Variants in GMPS observed in about 807,000 individuals in gnomAD.
The protein encoded by GMPS is guanosine monophosphate synthase, also known as GMP synthase [glutamine-hydrolyzing].
GMPS carries 15 observed loss-of-function variants against 77.9 expected under a neutral mutation model. The ratio of observed to expected loss-of-function variants is 0.19; its 90% CI spans 0.13 to 0.30. The LOEUF (loss-of-function observed/expected upper bound fraction) is 0.30, where lower values mean the gene tolerates loss of function less well. Among genes scored for constraint, GMPS ranks in the 10% least tolerant of loss-of-function variants. The pLI is 1.00. For missense variants in GMPS, 590 were observed against 838.8 expected, an observed-to-expected ratio of 0.70 and a Z score of 3.66; for synonymous variants, 224 against 275.9, an observed-to-expected ratio of 0.81 and a Z score of 1.86.
chr3:155,937,885 A>T lies in GMPS; in HGVS notation c.*193A>T, dbSNP rs1357581882. ...AGGGACTGAAGAGTTTGTACGGGTAAATAATCAAAGCACCATTGCCTACAC... is the reference window on the plus strand; with the variant it reads ...AGGGACTGAAGAGTTTGTACGGGTATATAATCAAAGCACCATTGCCTACAC... On this transcript the variant is annotated 3_prime_UTR_variant, in exon 16 of 16. Transcript: ENST00000496455. 5.8e-6 allele frequency: 3 copies of T among 516,904 alleles called. No homozygotes were observed. Among genetic ancestry groups the T allele is most frequent in the Non-Finnish European group, 6.8e-6 (2 of 293,778 alleles). The allele number at this position is 516,904 out of a possible 1,614,324, so 32.0% of individuals were successfully genotyped here.
intron 2 of GMPS, chr3:155,895,309 T>C (rs1388005499): frequency 6.6e-6 from 1 of 152,140 alleles, no homozygotes; most frequent in African/African-American, 2.4e-5. Context: ...TTTATTTTTT[T>C]TTTATTATTT....
At chr3:155,913,446 T>C (rs1577522148) in intron 7 of GMPS, among the ~76,000 whole-genome samples, 1 of 152,058 alleles carries the variant, frequency 6.6e-6, no homozygotes, top group East Asian at 1.9e-4. Context: ...TTGACTTCTT[T>C]GGGGCTAAGC....
intron 10 of GMPS, among the ~76,000 whole-genome samples, chr3:155,920,991 C>T (rs1755305318): frequency 6.6e-6 from 1 of 152,148 alleles, no homozygotes; most frequent in Non-Finnish European, 1.5e-5. Context: ...CCTGTAATTC[C>T]AGCACTTTGG....
At chr3:155,892,680 G>A (rs1754500450) in intron 1 of GMPS, among the ~76,000 whole-genome samples, 1 of 152,206 alleles carries the variant, frequency 6.6e-6, no homozygotes, top group Admixed American at 6.5e-5. Flanking sequence ...TGCCCAGGCT[G>A]GAGTGCAATG....
chr3:155,873,811 A>G (rs1020047284), intron 1 of GMPS, among the ~76,000 whole-genome samples: 17 of 149,622 alleles, frequency 1.1e-4, no homozygotes, highest in Non-Finnish European at 2.2e-4. Context: ...ATTTTTTTGT[A>G]TTTTTAGTAG....
intron 1 of GMPS, among the ~76,000 whole-genome samples, chr3:155,890,918 T>A (rs1160950891): frequency 6.6e-6 from 1 of 152,192 alleles, no homozygotes; most frequent in Non-Finnish European, 1.5e-5. Context: ...CCCGTTTGGA[T>A]TATCTGTATT....
chr3:155,877,271 A>G (rs1179238797), intron 1 of GMPS, among the ~76,000 whole-genome samples: 2 of 152,194 alleles, frequency 1.3e-5, no homozygotes, highest in African/African-American at 4.8e-5. Context: ...CATTATACTT[A>G]TTATTTGGCA....
intron 7 of GMPS, among the ~76,000 whole-genome samples, chr3:155,914,216 G>C (rs1174629591): frequency 1.3e-5 from 2 of 152,036 alleles, no homozygotes; most frequent in African/African-American, 4.8e-5. Flanking sequence ...AAAGTGCTGG[G>C]ATTATAGGCA....
rs1225737337 is a variant in GMPS at position 155,936,446 on chromosome 3, C to T, written c.1916C>T (p.Thr639Ile). ...PSCQRSVVIRTFITSDFMTGI... is the reference protein window; with the variant it reads ...PSCQRSVVIRIFITSDFMTGI... ...TGCCAGAGATCTGTGGTTATTCGAA[C>T]CTTTATTACTAGTGACTTCATGACT... Residue 639 changes from threonine to isoleucine, a missense_variant, in exon 15 of 16, where the codon ACC becomes ATC. Thr to Ile is a moderately conservative substitution (Grantham distance 89, BLOSUM62 -1). This residue lies in a region of GMPS where 73 missense variants were observed against 170.5 expected (regional missense o/e 0.43). Coordinates refer to ENST00000496455, the MANE Select transcript of GMPS (RefSeq NM_003875.3). 6.2e-7 allele frequency: 1 copy of T among 1,606,246 alleles called. No homozygotes were observed.
chr3:155,942,723 CT>C lies in GMPS; in HGVS notation c.*5035del. The C allele has an allele frequency of 4.4e-6, 1 of 227,346 alleles. No homozygotes were observed. The allele number at this position is 227,346 out of a possible 1,614,324, so 14.1% of individuals were successfully genotyped here. ...CAACCTCTTTCTTCTTACTTCTTTA[CT>C]TTTCCTTCAGAGAGGAGAAAGCCAC... is the stretch of plus-strand genomic sequence containing the variant. On this transcript the variant is annotated 3_prime_UTR_variant, in exon 16 of 16. Coordinates refer to ENST00000496455, the MANE Select transcript of GMPS (RefSeq NM_003875.3).
At chr3:155,875,905 A>C (rs898509441) in intron 1 of GMPS, among the ~76,000 whole-genome samples, 5 of 152,186 alleles carry the variant, frequency 3.3e-5, no homozygotes, top group African/African-American at 1.2e-4. Flanking sequence ...CTATACACTC[A>C]TTAAGATTGT....
chr3:155,906,172 GGAA>G lies in GMPS; in HGVS notation c.440_442del (p.Glu147del), dbSNP rs1174484155. The G allele has an allele frequency of 6.3e-7, 1 of 1,592,542 alleles. No individual in the cohort carries two copies. Among genetic ancestry groups the G allele is most frequent in the Non-Finnish European group, 8.6e-7 (1 of 1,166,754 alleles). ...TTTGTATGTTTAGGGGCCTTCAGAAGGAAGAAGTTGTTTTGCTTACACATGGAG... is the reference window on the plus strand; with the variant it reads ...TTTGTATGTTTAGGGGCCTTCAGAAGGAAGTTGTTTTGCTTACACATGGAG... On this transcript the variant is annotated inframe_deletion, in exon 5 of 16. Transcript: ENST00000496455.
At chr3:155,879,248 T>A (rs901757348) in intron 1 of GMPS, among the ~76,000 whole-genome samples, 4 of 150,170 alleles carry the variant, frequency 2.7e-5, no homozygotes, top group African/African-American at 9.8e-5. Flanking sequence ...TTTCTCCACA[T>A]CCTTTTCTGC....
At chr3:155,901,153 T>A (rs558050365) in intron 3 of GMPS, among the ~76,000 whole-genome samples, 1 of 152,318 alleles carries the variant, frequency 6.6e-6, no homozygotes, top group South Asian at 2.1e-4. Flanking sequence ...TCTCTTCCTA[T>A]CAGAGGTGAC....
chr3:155,911,335 C>A, intron 7 of GMPS, 56 bp downstream of exon 7: 2 of 1,131,984 alleles, frequency 1.8e-6, no homozygotes, highest in Non-Finnish European at 2.5e-6. Flanking sequence ...TTAATCAAAT[C>A]TAGTCTTATG....
chr3:155,869,923 T>C (rs917635898), upstream of GMPS, among the ~76,000 whole-genome samples: 5 of 152,128 alleles, frequency 3.3e-5, no homozygotes, highest in Non-Finnish European at 7.4e-5. Context: ...ATCATCATGA[T>C]GGTTGCCAAG....
chr3:155,903,245 TAAGAA>T (rs1252791827), intron 3 of GMPS, among the ~76,000 whole-genome samples: 4 of 152,168 alleles, frequency 2.6e-5, no homozygotes, highest in African/African-American at 9.6e-5. Context: ...AAATGATAAA[TAAGAA>T]AAGAAGATTG....
At chr3:155,911,339 T>C (rs1365044752) in intron 7 of GMPS, 60 bp downstream of exon 7, 2 of 1,082,276 alleles carry the variant, frequency 1.8e-6, no homozygotes, top group East Asian at 5.1e-5. Flanking sequence ...TCAAATCTAG[T>C]CTTATGGTTT....
At chr3:155,917,132 C>T (rs1755200850) in intron 9 of GMPS, among the ~76,000 whole-genome samples, 1 of 152,060 alleles carries the variant, frequency 6.6e-6, no homozygotes, top group Non-Finnish European at 1.5e-5. Context: ...CGCCACGAGG[C>T]CCGGCTAATT....
Sources: gnomAD v4.1 joint callset for allele counts (sites outside exome capture counted in the v4.1 genomes callset) on GRCh38, gnomAD v4.1.1 for gene constraint, gnomAD v4.1.1 regional missense constraint, MANE v1.5 for transcripts, NCBI Gene and HGNC (gene_info 2026-07-23, HGNC 2026-07-21) for gene names.